The following KLHL6 variants were observed in gnomAD, a reference collection of about 807,000 sequenced individuals.
The protein encoded by KLHL6 is kelch like family member 6.
A neutral mutation model predicts 58.6 loss-of-function variants in KLHL6; 41 were observed. The observed-to-expected ratio is 0.70, with a 90% CI of 0.55 to 0.91. KLHL6 has a LOEUF of 0.91. KLHL6 is among the 40% of genes least tolerant of loss of function. The pLI, the probability that KLHL6 is intolerant of heterozygous loss-of-function variation, is 0.00. For missense variants in KLHL6, 714 were observed against 805.6 expected (o/e 0.89, Z 1.38); for synonymous variants, 338 against 322.7 (o/e 1.05, Z -0.51).
At position 183,492,196 on chromosome 3, in the gene KLHL6, G is replaced by C; in HGVS notation, c.1597C>G (p.Pro533Ala). The C allele has an allele frequency of 6.2e-7, 1 of 1,611,818 alleles. No individual in the cohort carries two copies. The highest frequency in any genetic ancestry group is 8.5e-7 in the Non-Finnish European group (1 of 1,179,066). ...GAMRALYAYSPLEDSWCLVTQ... is the reference protein window; with the variant it reads ...GAMRALYAYSALEDSWCLVTQ... ...ACCAGGCACCAGCTGTCTTCCAGCG[G>C]GCTGTAGGCGTACAGCGCTCTCATG... is the stretch of plus-strand genomic sequence containing the variant. The change falls in exon 7 of 7, where the codon CCG (proline) becomes GCG (alanine). Residue 533 changes from proline (P) to alanine (A), a missense_variant. Physicochemically the swap from Pro to Ala is conservative, Grantham distance 27. Around this residue, in one of 2 missense-constraint regions of KLHL6, gnomAD observed 510 missense variants for 629.7 expected, o/e 0.81. Coordinates refer to ENST00000341319, the MANE Select transcript of KLHL6 (RefSeq NM_130446.4). This position sits in a 1 kb window ranked among gnomAD's most constrained non-coding sequence, Gnocchi z 5.9.
Position 183,499,937 on chromosome 3 carries a change from C to G in KLHL6, c.910-110G>C. On this transcript the variant is annotated intron_variant, in intron 3 of 6. Transcript: ENST00000341319. The surrounding 1 kb of genome is among the most constrained non-coding windows in gnomAD (Gnocchi z 4.6). ...ATTCCCATATCTGCCACGGTATGACCATGTGACTTCACCTCCCTGAGCCTC... is the reference window on the plus strand; with the variant it reads ...ATTCCCATATCTGCCACGGTATGACGATGTGACTTCACCTCCCTGAGCCTC... 1.4e-6 allele frequency: 1 copy of G among 694,588 alleles called. No homozygotes were observed. The highest frequency in any genetic ancestry group is 2.3e-6 in the Non-Finnish European group (1 of 431,400). 43.0% of individuals were successfully genotyped at this position (694,588 alleles called of 1,614,324 possible).
At chr3:183,525,241 G>A (rs2108683792) in intron 2 of KLHL6, among the ~76,000 whole-genome samples, 1 of 80,634 alleles carries the variant, frequency 1.2e-5, no homozygotes, top group Non-Finnish European at 3.1e-5. Flanking sequence ...TCCAGCCTGG[G>A]CAACAGAGTG....
At chr3:183,507,040 A>G (rs2108673523) in intron 3 of KLHL6, among the ~76,000 whole-genome samples, 1 of 152,180 alleles carries the variant, frequency 6.6e-6, no homozygotes, top group African/African-American at 2.4e-5. Context: ...TTAGGACTAG[A>G]GCAGAAGTGG....
rs991888095 is a variant in KLHL6 at position 183,553,518 on chromosome 3, G to A, written c.293+1843C>T. ...TAAATGTGCGTCCCCAGGGCATTGA[G>A]CTAACTTGACTTCACTCACTCCTGA... On this transcript the variant is annotated intron_variant, in intron 1 of 6. Transcript: ENST00000341319. Among the ~76,000 whole-genome samples the A allele has an allele frequency of 7.2e-5, 11 of 152,356 alleles. No individual in the cohort carries two copies. In the East Asian group the frequency reaches 7.7e-4, roughly 11 times the overall value.
rs541067442 is a variant in KLHL6 at position 183,488,125 on chromosome 3, A to G, written c.*3802T>C. 10 of 152,362 alleles carry G rather than the reference A, an allele frequency of 6.6e-5. 1 individual carries two copies. The highest frequency in any genetic ancestry group is 6.5e-4 in the Admixed American group (10 of 15,304). 9.4% of individuals were successfully genotyped at this position (152,362 alleles called of 1,614,324 possible). On this transcript the variant is annotated 3_prime_UTR_variant, in exon 7 of 7. Transcript: ENST00000341319. ...TTGAGACCAGAATAGATGAAAGCTA[A>G]GACGAGAACATGAATCTGTTGGTGT...
intron 3 of KLHL6, among the ~76,000 whole-genome samples, chr3:183,501,945 C>T (rs1009758864): frequency 6.6e-6 from 1 of 152,296 alleles, no homozygotes; most frequent in Non-Finnish European, 1.5e-5. Context: ...AGTGGATCCT[C>T]AGCACCAAGA....
chr3:183,517,937 A>T (rs907058886), intron 2 of KLHL6, among the ~76,000 whole-genome samples: 1 of 152,334 alleles, frequency 6.6e-6, no homozygotes, highest in Admixed American at 6.5e-5. Context: ...ACAAGTGCTG[A>T]GAAGCAGCCC....
chr3:183,537,412 T>C (rs1712401231), intron 1 of KLHL6, among the ~76,000 whole-genome samples: 1 of 152,204 alleles, frequency 6.6e-6, no homozygotes, highest in Non-Finnish European at 1.5e-5. Context: ...TCCTGTGGCA[T>C]ACATGCAAGA....
At chr3:183,506,061 T>A (rs577401268) in intron 3 of KLHL6, among the ~76,000 whole-genome samples, 7 of 152,110 alleles carry the variant, frequency 4.6e-5, no homozygotes, top group Non-Finnish European at 8.8e-5. Context: ...GACAGACAAT[T>A]CCTGGGCCAC....
In KLHL6 at chr3:183,553,988, AAAAG is replaced by A. The variant is rs543573790; in HGVS notation, c.293+1369_293+1372del. 9.9e-5 allele frequency among the ~76,000 whole-genome samples: 15 copies of A among 152,116 alleles called. No individual in the cohort carries two copies. In the East Asian group the frequency reaches 1.7e-3, roughly 18 times the overall value. On this transcript the variant is annotated intron_variant, in intron 1 of 6. Transcript: ENST00000341319. ...CCCCCCAAGCACCTCAAAAAAAAAA[AAAAG>A]AAAGAAAGAAAACGCTTTCCATAAT... is the stretch of plus-strand genomic sequence containing the variant.
At chr3:183,506,833 T>A (rs1207503896) in intron 3 of KLHL6, among the ~76,000 whole-genome samples, 1 of 40,194 alleles carries the variant, frequency 2.5e-5, no homozygotes, top group Non-Finnish European at 5.3e-5. Context: ...CTCTCAAAAA[T>A]AAATAAATAA....
intron 1 of KLHL6, chr3:183,544,749 AAC>A (rs36060782): frequency 0.29 from 32,992 of 114,516 alleles, 4,228 homozygotes; most frequent in Middle Eastern, 0.33. Context: ...CTGTCTCTCA[AAC>A]ACACACACAC....
chr3:183,534,131 T>TGTACTTTTAAAGTACTTTAAAAGTA (rs1712276682), intron 1 of KLHL6, among the ~76,000 whole-genome samples: 1 of 28,684 alleles, frequency 3.5e-5, no homozygotes, highest in African/African-American at 8.7e-5. Context: ...TAAAGTACTT[T>TGTACTTTTAAAGTACTTTAAAAGTA]GTACTTTTAA....
At chr3:183,511,544 C>T (rs1296291019) in intron 2 of KLHL6, among the ~76,000 whole-genome samples, 2 of 152,168 alleles carry the variant, frequency 1.3e-5, no homozygotes, top group Non-Finnish European at 1.5e-5. Flanking sequence ...TCCCATCCCA[C>T]GAGGCCATAT....
chr3:183,507,573 A>G (rs1008927177), intron 3 of KLHL6, among the ~76,000 whole-genome samples: 3 of 152,070 alleles, frequency 2.0e-5, no homozygotes, highest in African/African-American at 4.8e-5. Flanking sequence ...CTGAGACTAC[A>G]GGTGCATGCC....
Position 183,488,966 on chromosome 3 carries a change from G to A in KLHL6, c.*2961C>T, listed in dbSNP as rs368679003. On this transcript the variant is annotated 3_prime_UTR_variant, in exon 7 of 7. Coordinates refer to ENST00000341319, the MANE Select transcript of KLHL6 (RefSeq NM_130446.4). ...ACAATTCACCTGCATATCTGGTGTTGTAAAAAATCATAAAGAGTGTTTCCA... is the reference window on the plus strand; with the variant it reads ...ACAATTCACCTGCATATCTGGTGTTATAAAAAATCATAAAGAGTGTTTCCA... The A allele has an allele frequency of 2.0e-5, 3 of 152,172 alleles. No individual in the cohort carries two copies. Among genetic ancestry groups the A allele is most frequent in the African/African-American group, 7.2e-5 (3 of 41,440 alleles). The allele number at this position is 152,172 out of a possible 1,614,324, so 9.4% of individuals were successfully genotyped here. A position where few individuals can be genotyped will look rare whatever the true frequency, so the allele number is the denominator to read the frequency against.
intron 5 of KLHL6, chr3:183,493,060 A>C: frequency 4.3e-6 from 1 of 234,116 alleles, no homozygotes; most frequent in Non-Finnish European, 8.4e-6. Context: ...GTGCTCATCC[A>C]CTCGAAAAAT....
At chr3:183,524,337 C>T (rs1711875012) in intron 2 of KLHL6, among the ~76,000 whole-genome samples, 1 of 152,158 alleles carries the variant, frequency 6.6e-6, no homozygotes, top group Non-Finnish European at 1.5e-5. Context: ...GAGAACAGGT[C>T]CCTTAGGCCT....
Position 183,553,988 on chromosome 3 carries a change from A to G in KLHL6, c.293+1373T>C, listed in dbSNP as rs540833860. ...CCCCCCAAGCACCTCAAAAAAAAAA[A>G]AAAGAAAGAAAGAAAACGCTTTCCA... On this transcript the variant is annotated intron_variant, in intron 1 of 6. Coordinates refer to ENST00000341319, the MANE Select transcript of KLHL6 (RefSeq NM_130446.4). 6.4e-4 allele frequency among the ~76,000 whole-genome samples: 97 copies of G among 152,118 alleles called. 5 individuals carry two copies. In the South Asian group the frequency reaches 0.016, roughly 25 times the overall value.
Sources: allele counts gnomAD v4.1 joint callset (sites outside exome capture counted in the v4.1 genomes callset), GRCh38; gene constraint gnomAD v4.1.1; regional missense constraint gnomAD v4.1.1; non-coding constraint Gnocchi (gnomAD v3.1); transcripts MANE v1.5; gene names NCBI Gene and HGNC (gene_info 2026-07-23, HGNC 2026-07-21).